WDR12: variants seen among roughly 807,000 people sequenced by gnomAD.
The protein encoded by WDR12 is ribosome biogenesis protein WDR12.
In WDR12, 42 loss-of-function variants were observed where a neutral mutation model predicts 64.3. The ratio of observed to expected loss-of-function variants is 0.65; its 90% CI spans 0.51 to 0.84. The LOEUF is 0.84. Among genes scored for constraint, WDR12 ranks in the 40% least tolerant of loss-of-function variants. The probability of loss-of-function intolerance (pLI) is 0.00; values close to 1 mark genes in which losing one functional copy is unlikely to be tolerated. For synonymous variants in WDR12, 158 were observed against 173.3 expected (o/e 0.91, Z 0.70); for missense variants, 469 against 494.6 (o/e 0.95, Z 0.49).
chr2:202,907,795 G>C, intron 2 of WDR12, 70 bp downstream of exon 2: 1 of 1,274,606 alleles, frequency 7.8e-7, no homozygotes. Flanking sequence ...GGCCAAAAAA[G>C]GAACTAAAAA....
chr2:202,886,030 C>T (rs1322775314), intron 8 of WDR12, among the ~76,000 whole-genome samples: 1 of 152,096 alleles, frequency 6.6e-6, no homozygotes, highest in African/African-American at 2.4e-5. Flanking sequence ...GCACTCCAGC[C>T]AGGCCCACTC....
In WDR12 at chr2:202,876,238, A is replaced by C. The variant is rs890064424; in HGVS notation, c.*4622T>G. ...ACGCCATCTCCACAAAAATAAAAAA[A>C]ATAGCTGGGTGTGGCAGCATGCAAT... On this transcript the variant is annotated 3_prime_UTR_variant, in exon 13 of 13. Coordinates refer to ENST00000261015, the MANE Select transcript of WDR12 (RefSeq NM_018256.4). The C allele has an allele frequency of 6.6e-6, 1 of 152,234 alleles. No individual in the cohort carries two copies. The highest frequency in any genetic ancestry group is 2.4e-5 in the African/African-American group (1 of 41,448). 9.4% of individuals were successfully genotyped at this position (152,234 alleles called of 1,614,324 possible).
chr2:202,883,532 T>A, intron 11 of WDR12, 77 bp downstream of exon 11: 1 of 1,461,110 alleles, frequency 6.8e-7, no homozygotes, highest in Non-Finnish European at 9.2e-7. Flanking sequence ...TGGTTTTAGA[T>A]AAGAATTTCA....
intron 9 of WDR12, 27 bp downstream of exon 9, chr2:202,884,368 C>A (rs1349470275): frequency 1.2e-6 from 2 of 1,613,696 alleles, no homozygotes. Flanking sequence ...AAGTTTATCA[C>A]TTAAAAGAAC....
intron 3 of WDR12, among the ~76,000 whole-genome samples, chr2:202,900,823 T>C (rs10204618): frequency 2.0e-5 from 3 of 151,974 alleles, no homozygotes; most frequent in Non-Finnish European, 4.4e-5. Flanking sequence ...GGAATATACA[T>C]ATATATATAC....
Position 202,884,435 on chromosome 2 carries a change from C to G in WDR12, c.842G>C (p.Arg281Thr), listed in dbSNP as rs551182812. ...ACTGCCAGACTCAACATCCCACACT[C>G]TAATTGTATGGTCCCAAGATGCACT... is the stretch of plus-strand genomic sequence containing the variant. ...ICSASWDHTI[R>T]VWDVESGSLK... Residue 281 changes from arginine (R) to threonine (T), a missense_variant, in exon 9 of 13, where the codon AGA becomes ACA. Arg to Thr is a moderately conservative substitution (Grantham distance 71). Transcript: ENST00000261015. 6.2e-7 allele frequency: 1 copy of G among 1,614,078 alleles called. No individual in the cohort carries two copies. Among genetic ancestry groups the G allele is most frequent in the African/African-American group, 1.3e-5 (1 of 74,932 alleles).
intron 8 of WDR12, among the ~76,000 whole-genome samples, chr2:202,889,465 C>G (rs906278274): frequency 6.6e-6 from 1 of 151,798 alleles, no homozygotes; most frequent in African/African-American, 2.4e-5. Flanking sequence ...TGAGACAGCT[C>G]GGGCAACAAA....
At chr2:202,887,894 C>CAAAAAAA (rs778475206) in intron 8 of WDR12, among the ~76,000 whole-genome samples, 2 of 60,742 alleles carry the variant, frequency 3.3e-5, no homozygotes, top group Non-Finnish European at 3.3e-5. Context: ...GACTCCGTCT[C>CAAAAAAA]AAAAAAAAAA....
Position 202,880,606 on chromosome 2 carries a change from T to C in WDR12, c.*254A>G, listed in dbSNP as rs1193952146. ...AAATCTGAATTCAAACCAATACCTTTAAAGAGAAATGTAAAACTCAGTTTA... is the reference window on the plus strand; with the variant it reads ...AAATCTGAATTCAAACCAATACCTTCAAAGAGAAATGTAAAACTCAGTTTA... On this transcript the variant is annotated 3_prime_UTR_variant, in exon 13 of 13. Coordinates refer to ENST00000261015, the MANE Select transcript of WDR12 (RefSeq NM_018256.4). The C allele has an allele frequency of 8.6e-6, 2 of 231,224 alleles. No homozygotes were observed. The highest frequency in any genetic ancestry group is 1.7e-5 in the Non-Finnish European group (2 of 119,368). The allele number at this position is 231,224 out of a possible 1,614,324, so 14.3% of individuals were successfully genotyped here. A position where few individuals can be genotyped will look rare whatever the true frequency, so the allele number is the denominator to read the frequency against.
Position 202,877,320 on chromosome 2 carries a change from A to G in WDR12, c.*3540T>C, listed in dbSNP as rs1687876641. On this transcript the variant is annotated 3_prime_UTR_variant, in exon 13 of 13. Transcript: ENST00000261015. The stretch of plus-strand genomic sequence containing the variant: ...CATAGAAAAGCTATGTTTTTCTACA[A>G]AGGCCCCACTATGCCTGGCCAAGTA... 6.6e-6 allele frequency: 1 copy of G among 152,102 alleles called. No homozygotes were observed. The highest frequency in any genetic ancestry group is 2.4e-5 in the African/African-American group (1 of 41,440). 9.4% of individuals were successfully genotyped at this position (152,102 alleles called of 1,614,324 possible).
chr2:202,908,421 C>T (rs1458716413), intron 1 of WDR12, among the ~76,000 whole-genome samples: 1 of 152,198 alleles, frequency 6.6e-6, no homozygotes, highest in South Asian at 2.1e-4. Context: ...TACCACTGCA[C>T]TGCACTCCAG....
rs760591784 is a variant in WDR12 at position 202,907,869 on chromosome 2, T to A, written c.132A>T (p.Lys44Asn). ...CTCCTAAGCATATATACCCACCATT[T>A]TTGTCCTTTAGTAGTTTATTGATGA... Reference protein sequence around the residue: ...SNIINKLLKDKNEFHKHVEFD... With the variant: ...SNIINKLLKDNNEFHKHVEFD... Residue 44 changes from lysine (K) to asparagine (N), a missense_variant, in exon 2 of 13, where the codon AAA becomes AAT. Coordinates refer to ENST00000261015, the MANE Select transcript of WDR12 (RefSeq NM_018256.4). 1.3e-5 allele frequency: 21 copies of A among 1,612,466 alleles called. No individual in the cohort carries two copies. Among genetic ancestry groups the A allele is most frequent in the Non-Finnish European group, 1.8e-5 (21 of 1,178,744 alleles).
intron 4 of WDR12, 47 bp downstream of exon 4, chr2:202,899,484 G>A: frequency 6.6e-7 from 1 of 1,524,830 alleles, no homozygotes; most frequent in Non-Finnish European, 9.0e-7. Context: ...GACTGAAGGA[G>A]GTAAAAACAA....
intron 8 of WDR12, among the ~76,000 whole-genome samples, chr2:202,888,905 T>C (rs1023701805): frequency 1.3e-5 from 2 of 152,080 alleles, no homozygotes; most frequent in African/African-American, 4.8e-5. Context: ...AGATGGGGTC[T>C]TGCTATGTTG....
chr2:202,911,501 C>T lies in WDR12; in HGVS notation c.-25G>A, dbSNP rs762775238. 3 of 1,612,960 alleles carry T rather than the reference C, an allele frequency of 1.9e-6. No homozygotes were observed. The South Asian group carries it at 3.3e-5, about 18-fold the overall frequency. On this transcript the variant is annotated 5_prime_UTR_variant, in exon 1 of 13. Transcript: ENST00000261015. ...TGGCGAGGAGTACACACGACTTGCC[C>T]ACGGAAACGTACGGGTTAGCAGACC...
In WDR12 at chr2:202,894,642, T is replaced by C; in HGVS notation, c.610-16A>G. ...CACTGCAAAACTAAACAGATGTATATGAAGGGAAAAGACATATGTAATATG... is the reference window on the plus strand; with the variant it reads ...CACTGCAAAACTAAACAGATGTATACGAAGGGAAAAGACATATGTAATATG... On this transcript the variant is annotated splice_polypyrimidine_tract_variant and intron_variant, in intron 6 of 12. Coordinates refer to ENST00000261015, the MANE Select transcript of WDR12 (RefSeq NM_018256.4). 4 of 1,602,900 alleles carry C rather than the reference T, an allele frequency of 2.5e-6. No homozygotes were observed. The highest frequency in any genetic ancestry group is 3.4e-6 in the Non-Finnish European group (4 of 1,174,222).
chr2:202,888,412 T>C (rs985417297), intron 8 of WDR12, among the ~76,000 whole-genome samples: 2 of 152,170 alleles, frequency 1.3e-5, no homozygotes, highest in Non-Finnish European at 2.9e-5. Context: ...CAAAACTAAA[T>C]AGTTATACAC....
chr2:202,882,853 A>T (rs1409566373), intron 11 of WDR12, 70 bp from the exon 12 acceptor site: 1 of 1,500,070 alleles, frequency 6.7e-7, no homozygotes, highest in African/African-American at 1.4e-5. Context: ...ATAATCACTT[A>T]TACTTATCTG....
intron 5 of WDR12, among the ~76,000 whole-genome samples, 168 bp downstream of exon 5, chr2:202,897,132 T>G (rs766881429): frequency 6.6e-5 from 10 of 152,142 alleles, no homozygotes; most frequent in Non-Finnish European, 1.2e-4. Flanking sequence ...ATTTATGAAT[T>G]TTTTATATAA....
Sources: allele counts gnomAD v4.1 joint callset (sites outside exome capture counted in the v4.1 genomes callset), GRCh38; gene constraint gnomAD v4.1.1; transcripts MANE v1.5; gene names NCBI Gene and HGNC (gene_info 2026-07-23, HGNC 2026-07-21).